CSMD1: variants seen among roughly 807,000 people sequenced by gnomAD.
CSMD1 encodes the protein CUB and Sushi multiple domains 1.
Under a neutral mutation model 417.5 loss-of-function variants are expected in CSMD1, and 213 were observed. The ratio of observed to expected loss-of-function variants is 0.51; its 90% CI spans 0.46 to 0.57. CSMD1 has a LOEUF of 0.57. Among genes scored for constraint, CSMD1 ranks in the 20% least tolerant of loss-of-function variants. CSMD1 has a pLI of 0.00. For synonymous variants in CSMD1, 2,862 were observed against 1,736.8 expected (o/e 1.65, Z -16.11); for missense variants, 6,923 against 4,529.7 (o/e 1.53, Z -15.17).
intron 3 of CSMD1, among the ~76,000 whole-genome samples, chr8:4,270,207 C>T (rs968137675): frequency 1.3e-5 from 2 of 152,158 alleles, no homozygotes; most frequent in African/African-American, 4.8e-5. Context: ...CGCGTGTTTC[C>T]TACGGTGCAA....
At chr8:3,294,607 G>A (rs1481458542) in intron 25 of CSMD1, among the ~76,000 whole-genome samples, 1 of 152,172 alleles carries the variant, frequency 6.6e-6, no homozygotes, top group South Asian at 2.1e-4. Flanking sequence ...GTGGGGGTAG[G>A]ACCCTCTGAG....
intron 3 of CSMD1, among the ~76,000 whole-genome samples, chr8:4,144,930 G>C (rs961708559): frequency 1.3e-5 from 2 of 151,028 alleles, no homozygotes; most frequent in African/African-American, 2.5e-5. Context: ...GAGTGAAGCA[G>C]AGACCCCAGA....
chr8:4,919,132 G>C (rs1806266070), intron 1 of CSMD1, among the ~76,000 whole-genome samples: 1 of 152,122 alleles, frequency 6.6e-6, no homozygotes, highest in Non-Finnish European at 1.5e-5. Context: ...TATAAAGTTA[G>C]AATGGAAACA....
At chr8:4,600,391 A>C (rs1202228861) in intron 2 of CSMD1, among the ~76,000 whole-genome samples, 2 of 152,210 alleles carry the variant, frequency 1.3e-5, no homozygotes, top group African/African-American at 4.8e-5. Context: ...ATTAAGACCA[A>C]TATGAAAGCA....
intron 2 of CSMD1, among the ~76,000 whole-genome samples, chr8:4,434,563 T>C (rs1289842726): frequency 2.6e-5 from 4 of 151,934 alleles, no homozygotes; most frequent in Admixed American, 6.6e-5. Flanking sequence ...TAAAACACAA[T>C]AGAGGAGGAG....
In CSMD1 at chr8:4,447,254, C is replaced by T. The variant is rs141499398; in HGVS notation, c.303-27189G>A. ...TGCCTGATGGATGCTTACGTTATAG[C>T]AGGTTAGATACAACTAAAGCAAATC... On this transcript the variant is annotated intron_variant, in intron 2 of 69. Transcript: ENST00000635120. 1.9e-3 allele frequency among the ~76,000 whole-genome samples: 292 copies of T among 152,222 alleles called. 1 individual carries two copies. Among genetic ancestry groups the T allele is most frequent in the African/African-American group, 6.8e-3 (284 of 41,532 alleles).
intron 18 of CSMD1, among the ~76,000 whole-genome samples, chr8:3,371,963 G>C (rs1585067822): frequency 6.6e-6 from 1 of 152,178 alleles, no homozygotes. Flanking sequence ...TCTGCCCCCA[G>C]CATCAGGGAT....
In CSMD1 at chr8:2,949,289, T is replaced by A; in HGVS notation, c.10402+10A>T. 6.7e-7 allele frequency: 1 copy of A among 1,503,104 alleles called. No individual in the cohort carries two copies. Among genetic ancestry groups the A allele is most frequent in the Non-Finnish European group, 9.2e-7 (1 of 1,082,686 alleles). The allele number at this position is 1,503,104 out of a possible 1,614,324, so 93.1% of individuals were successfully genotyped here. A position where few individuals can be genotyped will look rare whatever the true frequency, so the allele number is the denominator to read the frequency against. On this transcript the variant is annotated intron_variant, in intron 68 of 69. Coordinates refer to ENST00000635120, the MANE Select transcript of CSMD1 (RefSeq NM_033225.6). ...TATTTGCTTTAAAATATATCCTAAG[T>A]GCAACTTACCTTGCCTTTCTAGCTT...
At chr8:4,951,939 C>T (rs1808778579) in intron 1 of CSMD1, among the ~76,000 whole-genome samples, 4 of 151,262 alleles carry the variant, frequency 2.6e-5, no homozygotes. Context: ...ATTTTTTCCC[C>T]TAGGCCTGAA....
chr8:3,291,531 A>G (rs1176337502), intron 25 of CSMD1, among the ~76,000 whole-genome samples: 1 of 152,116 alleles, frequency 6.6e-6, no homozygotes, highest in Non-Finnish European at 1.5e-5. Flanking sequence ...TCAGAGATTC[A>G]ACTTCTTCCT....
At chr8:4,780,480 T>A (rs1166407358) in intron 1 of CSMD1, among the ~76,000 whole-genome samples, 1 of 152,244 alleles carries the variant, frequency 6.6e-6, no homozygotes. Flanking sequence ...CTCCTTTATA[T>A]AGCCCTTTTA....
At chr8:4,715,435 C>G (rs1268607910) in intron 1 of CSMD1, among the ~76,000 whole-genome samples, 3 of 152,028 alleles carry the variant, frequency 2.0e-5, no homozygotes, top group African/African-American at 4.8e-5. Context: ...TTCTATTTAC[C>G]CATTCCCTTG....
At chr8:4,943,253 T>C (rs13269676) in intron 1 of CSMD1, among the ~76,000 whole-genome samples, 77,909 of 151,980 alleles carry the variant, frequency 0.51, 21,245 homozygotes, top group East Asian at 0.79. Context: ...CCCAGCACTT[T>C]GGGCGGCCCA....
At chr8:4,018,694 G>T (rs1585141653) in intron 4 of CSMD1, among the ~76,000 whole-genome samples, 1 of 152,166 alleles carries the variant, frequency 6.6e-6, no homozygotes, top group Non-Finnish European at 1.5e-5. Flanking sequence ...TTTAAGTTAG[G>T]TTCTTTTAGA....
intron 17 of CSMD1, among the ~76,000 whole-genome samples, chr8:3,388,048 T>C (rs1201721314): frequency 6.6e-6 from 1 of 152,226 alleles, no homozygotes; most frequent in Non-Finnish European, 1.5e-5. Context: ...GTGTCTTATA[T>C]ATGTATTAAA....
intron 51 of CSMD1, among the ~76,000 whole-genome samples, chr8:3,029,097 A>G (rs1810151064): frequency 6.6e-6 from 1 of 152,126 alleles, no homozygotes; most frequent in South Asian, 2.1e-4. Context: ...ATTATTAACA[A>G]GGAAAAGACA....
At chr8:4,712,822 C>A (rs1412157753) in intron 1 of CSMD1, among the ~76,000 whole-genome samples, 2 of 152,122 alleles carry the variant, frequency 1.3e-5, no homozygotes, top group African/African-American at 2.4e-5. Flanking sequence ...ACTGTACTAT[C>A]TAAAGTTTCT....
intron 3 of CSMD1, among the ~76,000 whole-genome samples, chr8:4,407,540 T>A (rs1180377432): frequency 6.6e-6 from 1 of 152,208 alleles, no homozygotes; most frequent in Non-Finnish European, 1.5e-5. Flanking sequence ...AGTACAGATA[T>A]CTTGTGCTAA....
chr8:4,132,508 A>G (rs1254167767), intron 3 of CSMD1, among the ~76,000 whole-genome samples: 2 of 152,202 alleles, frequency 1.3e-5, no homozygotes, highest in African/African-American at 4.8e-5. Context: ...TTTATTAGGC[A>G]TTCCCCTGTT....
Sources: allele counts gnomAD v4.1 joint callset (sites outside exome capture counted in the v4.1 genomes callset), GRCh38; gene constraint gnomAD v4.1.1; transcripts MANE v1.5; gene names NCBI Gene and HGNC (gene_info 2026-07-23, HGNC 2026-07-21).